Variants in KIF1A observed in about 807,000 individuals in gnomAD.
KIF1A encodes kinesin family member 1A, also known as kinesin-like protein KIF1A.
In KIF1A, 46 loss-of-function variants were observed where a neutral mutation model predicts 227.3. The ratio of observed to expected loss-of-function variants is 0.20; its 90% CI spans 0.16 to 0.26. The LOEUF (loss-of-function observed/expected upper bound fraction) is 0.26, where lower values mean the gene tolerates loss of function less well. Ranked by LOEUF, KIF1A falls within the 10% of genes least tolerant of loss-of-function variation. KIF1A has a pLI of 1.00. For missense variants in KIF1A, 1,683 were observed against 2,485.9 expected (o/e 0.68, Z 6.87); for synonymous variants, 1,022 against 1,012.8 (o/e 1.01, Z -0.17).
rs745853492 is a variant in KIF1A, at chr2:240,725,442, C to A, written c.4123-38G>T. 2 of 1,604,308 alleles carry A rather than the reference C, an allele frequency of 1.2e-6. No individual in the cohort carries two copies. The highest frequency in any genetic ancestry group is 1.1e-5 in the South Asian group (1 of 90,368). On this transcript the variant is annotated intron_variant, in intron 39 of 48. Transcript: ENST00000498729. This position sits in a 1 kb window ranked among gnomAD's most constrained non-coding sequence, Gnocchi z 5.8. ...GGAGCAGGACTCAGGCACAAGGACA[C>A]CCCGAGTGCCCAGGTGCCCTTCCAG... is the stretch of plus-strand genomic sequence containing the variant.
At chr2:240,807,130 G>GTGTGTGTGTA (rs1356399506) in intron 1 of KIF1A, among the ~76,000 whole-genome samples, 8 of 119,478 alleles carry the variant, frequency 6.7e-5, no homozygotes, top group South Asian at 3.1e-4. Context: ...GTGTGTGTGT[G>GTGTGTGTGTA]TATATATATA....
Position 240,783,789 on chromosome 2 carries a change from C to G in KIF1A, c.748G>C (p.Ala250Pro). The G allele has an allele frequency of 6.3e-7, 1 of 1,591,212 alleles. No homozygotes were observed. Among genetic ancestry groups the G allele is most frequent in the Non-Finnish European group, 8.6e-7 (1 of 1,169,070 alleles). Reference protein sequence around the residue: ...KVSKISLVDLAGSERADSTGA... With the variant: ...KVSKISLVDLPGSERADSTGA... The stretch of plus-strand genomic sequence containing the variant: ...GTGGAGTCAGCCCGCTCGCTCCCAG[C>G]CAGGTCCACCAGGCTGATTTTGCTC... Residue 250 changes from alanine (A) to proline (P), a missense_variant, in exon 8 of 49, where the codon GCT becomes CCT. Around this residue, in one of 12 missense-constraint regions of KIF1A, gnomAD observed 14 missense variants for 62.4 expected, o/e 0.22. Transcript: ENST00000498729.
chr2:240,720,924 T>C lies in KIF1A; in HGVS notation c.4858A>G (p.Thr1620Ala). The part of the protein sequence containing the change: ...PSLVEGRYGA[T>A]DLRTPQPCSR... Reference sequence around the variant, plus strand: ...CTGGAGCTCACTCACCTCAGGTCAGTGGCACCGTACCGCCCTTCAACCAGA... The same window carrying C: ...CTGGAGCTCACTCACCTCAGGTCAGCGGCACCGTACCGCCCTTCAACCAGA... Residue 1620 changes from threonine (T) to alanine (A), a missense_variant, in exon 45 of 49, where the codon ACT (threonine) becomes GCT (alanine). This residue lies in a region of KIF1A where 384 missense variants were observed against 410.1 expected (regional missense o/e 0.94). Transcript: ENST00000498729. 1 of 1,573,090 alleles carries C rather than the reference T, an allele frequency of 6.4e-7. No individual in the cohort carries two copies. Among genetic ancestry groups the C allele is most frequent in the Non-Finnish European group, 8.6e-7 (1 of 1,157,880 alleles).
intron 30 of KIF1A, 51 bp downstream of exon 30, chr2:240,745,988 A>G: frequency 6.3e-7 from 1 of 1,598,548 alleles, no homozygotes; most frequent in South Asian, 1.1e-5. Flanking sequence ...GGGCTCAGGA[A>G]CCAGGTCTCA....
At chr2:240,811,787 A>C (rs2057883727) in intron 1 of KIF1A, among the ~76,000 whole-genome samples, 1 of 152,122 alleles carries the variant, frequency 6.6e-6, no homozygotes, top group Non-Finnish European at 1.5e-5. Context: ...AGAGCCAAAG[A>C]AGATGCCGAG....
chr2:240,792,115 C>G lies in KIF1A; in HGVS notation c.107-2803G>C, dbSNP rs1369214064. Among the ~76,000 whole-genome samples, 1 of 152,048 alleles carries G rather than the reference C, an allele frequency of 6.6e-6. No individual in the cohort carries two copies. Among genetic ancestry groups the G allele is most frequent in the East Asian group, 1.9e-4 (1 of 5,162 alleles). ...TCCAGAGAGGGGAGGTCCTCTCCCC[C>G]GGTCACACGACGCACAGCCAGACTA... On this transcript the variant is annotated intron_variant, in intron 2 of 48. Transcript: ENST00000498729. The surrounding 1 kb of genome is among the most constrained non-coding windows in gnomAD (Gnocchi z 4.5).
Position 240,775,934 on chromosome 2 carries a change from G to T in KIF1A, c.883-8C>A. The T allele has an allele frequency of 1.3e-6, 2 of 1,596,028 alleles. No homozygotes were observed. Among genetic ancestry groups the T allele is most frequent in the South Asian group, 2.2e-5 (2 of 90,706 alleles). On this transcript the variant is annotated splice_region_variant and splice_polypyrimidine_tract_variant and intron_variant, in intron 10 of 48. Coordinates refer to ENST00000498729, the MANE Select transcript of KIF1A (RefSeq NM_001244008.2). This position sits in a 1 kb window ranked among gnomAD's most constrained non-coding sequence, Gnocchi z 5.5. Reference sequence around the variant, plus strand: ...CTTCTTCTTTTTCTTGTTCTGTGGGGGAGGAACATTCAAGGTCAAGCCCGA... The same window carrying T: ...CTTCTTCTTTTTCTTGTTCTGTGGGTGAGGAACATTCAAGGTCAAGCCCGA...
intron 1 of KIF1A, among the ~76,000 whole-genome samples, chr2:240,801,834 C>G (rs1256764610): frequency 1.3e-5 from 2 of 152,190 alleles, no homozygotes; most frequent in African/African-American, 4.8e-5. Flanking sequence ...GCCTCCAGAA[C>G]TGTGAAAAAT....
In KIF1A at chr2:240,778,042, C is replaced by T. The variant is rs574446452; in HGVS notation, c.883-2116G>A. Reference sequence around the variant, plus strand: ...TCCCACGCGGCTGCTCGCAGCTCACCACACAGTTCCTCAGCTCCTCCCGCT... The same window carrying T: ...TCCCACGCGGCTGCTCGCAGCTCACTACACAGTTCCTCAGCTCCTCCCGCT... On this transcript the variant is annotated intron_variant, in intron 10 of 48. Transcript: ENST00000498729. This position sits in a 1 kb window ranked among gnomAD's most constrained non-coding sequence, Gnocchi z 7.2. Among the ~76,000 whole-genome samples, 1 of 152,210 alleles carries T rather than the reference C, an allele frequency of 6.6e-6. No individual in the cohort carries two copies. Among genetic ancestry groups the T allele is most frequent in the South Asian group, 2.1e-4 (1 of 4,818 alleles).
Position 240,740,384 on chromosome 2 carries a change from G to A in KIF1A, c.3750-20C>T, listed in dbSNP as rs748803350. ...ATGTAACTGGAAGAGAGAGACACAT[G>A]TGAGGAGCGGCCAGCCCCTCCTCTC... On this transcript the variant is annotated intron_variant, in intron 35 of 48. Coordinates refer to ENST00000498729, the MANE Select transcript of KIF1A (RefSeq NM_001244008.2). This position sits in a 1 kb window ranked among gnomAD's most constrained non-coding sequence, Gnocchi z 6.1. 3.7e-6 allele frequency: 6 copies of A among 1,609,472 alleles called. No homozygotes were observed. Among genetic ancestry groups the A allele is most frequent in the South Asian group, 1.1e-5 (1 of 90,972 alleles).
intron 9 of KIF1A, 148 bp from the exon 10 acceptor site, chr2:240,782,755 G>A (rs2054238166): frequency 1.1e-6 from 1 of 877,618 alleles, no homozygotes; most frequent in South Asian, 1.6e-5. Context: ...AGCTCCCCCA[G>A]GCAGGGTCCC....
At position 240,766,704 on chromosome 2, in the gene KIF1A, A is replaced by ATC. The variant is rs1400218721; in HGVS notation, c.1684+209_1684+210dup. On this transcript the variant is annotated intron_variant, in intron 19 of 48. Transcript: ENST00000498729. The surrounding 1 kb of genome is among the most constrained non-coding windows in gnomAD (Gnocchi z 5.0). ...GTTGTTTTTAAGGCTGGCCCCAAATATCTCTCTCTCTCTCCAAATCTCTCT... is the reference window on the plus strand; with the variant it reads ...GTTGTTTTTAAGGCTGGCCCCAAATATCTCTCTCTCTCTCTCCAAATCTCTCT... 2.1e-5 allele frequency among the ~76,000 whole-genome samples: 3 copies of ATC among 141,094 alleles called. No individual in the cohort carries two copies. The highest frequency in any genetic ancestry group is 2.1e-4 in the East Asian group (1 of 4,700). 92.6% of individuals were successfully genotyped at this position (141,094 alleles called of 152,430 possible).
intron 38 of KIF1A, among the ~76,000 whole-genome samples, chr2:240,731,959 C>A (rs2046687282): frequency 1.5e-5 from 1 of 64,968 alleles, no homozygotes; most frequent in Non-Finnish European, 3.1e-5. Flanking sequence ...GGGGAGGAGA[C>A]TAGGGGAGGA....
At chr2:240,743,827 G>T in intron 33 of KIF1A, 115 bp downstream of exon 33, 1 of 683,980 alleles carries the variant, frequency 1.5e-6, no homozygotes, top group Non-Finnish European at 2.5e-6. Flanking sequence ...GATGGGCAGG[G>T]GAGGTGGGTT....
Position 240,746,178 on chromosome 2 carries a change from C to T in KIF1A, c.3064-1G>A. 1 of 1,560,332 alleles carries T rather than the reference C, an allele frequency of 6.4e-7. No individual in the cohort carries two copies. The highest frequency in any genetic ancestry group is 1.2e-5 in the South Asian group (1 of 84,598). ...CCACGGGGCAAGACTCGGACTGGAA[C>T]TGATCAGAGGGGGACCAGAGTCAGA... is the stretch of plus-strand genomic sequence containing the variant. On this transcript the variant is annotated splice_acceptor_variant, in intron 29 of 48. Coordinates refer to ENST00000498729, the MANE Select transcript of KIF1A (RefSeq NM_001244008.2). LOFTEE classifies it high-confidence loss of function.
Position 240,793,721 on chromosome 2 carries a change from T to C in KIF1A, c.106+3926A>G, listed in dbSNP as rs1272826190. Among the ~76,000 whole-genome samples the C allele has an allele frequency of 1.3e-5, 2 of 152,224 alleles. No homozygotes were observed. Among genetic ancestry groups the C allele is most frequent in the Non-Finnish European group, 2.9e-5 (2 of 68,050 alleles). On this transcript the variant is annotated intron_variant, in intron 2 of 48. Coordinates refer to ENST00000498729, the MANE Select transcript of KIF1A (RefSeq NM_001244008.2). The surrounding 1 kb of genome is among the most constrained non-coding windows in gnomAD (Gnocchi z 4.8). The stretch of plus-strand genomic sequence containing the variant: ...AGAGGATTATTTATGCAGGTGATGA[T>C]TACGGGATAACAGTTAAATTTACTT...
At position 240,771,081 on chromosome 2, in the gene KIF1A, T is replaced by C; in HGVS notation, c.1231A>G (p.Ser411Gly). 6.2e-7 allele frequency: 1 copy of C among 1,613,482 alleles called. No homozygotes were observed. The highest frequency in any genetic ancestry group is 1.7e-5 in the Admixed American group (1 of 59,980). The change falls in exon 15 of 49, where the codon AGC (serine) becomes GGC (glycine). Residue 411 changes from serine (S) to glycine (G), a missense_variant. Physicochemically the swap from Ser to Gly is moderately conservative, Grantham distance 56 (BLOSUM62 0). Transcript: ENST00000498729. ...AGGGCTGAGAGCGAGGATGAGGGGC[T>C]CATACCCACCAGGGCATTGGTCACT... ...PKLTNALVGM[S>G]PSSSLSALSS... is the part of the protein sequence containing the mutation.
At chr2:240,791,307 C>T (rs2055644363) in intron 2 of KIF1A, among the ~76,000 whole-genome samples, 2 of 152,176 alleles carry the variant, frequency 1.3e-5, no homozygotes, top group Admixed American at 6.5e-5. Flanking sequence ...CCTAGCACAG[C>T]CCGGCTGGGC....
chr2:240,759,004 C>T (rs1348537539), intron 25 of KIF1A, among the ~76,000 whole-genome samples: 1 of 152,118 alleles, frequency 6.6e-6, no homozygotes, highest in Non-Finnish European at 1.5e-5. Context: ...CCCTAGATCT[C>T]AGGTATAAGA....
Sources: gnomAD v4.1 joint callset for allele counts (sites outside exome capture counted in the v4.1 genomes callset) on GRCh38, gnomAD v4.1.1 for gene constraint, gnomAD v4.1.1 regional missense constraint, Gnocchi (gnomAD v3.1) non-coding constraint, MANE v1.5 for transcripts, NCBI Gene and HGNC (gene_info 2026-07-23, HGNC 2026-07-21) for gene names.